The following PDZD2 variants were observed in gnomAD, a reference collection of about 807,000 sequenced individuals.
PDZD2 encodes the protein PDZ domain-containing protein 2.
In PDZD2, 90 loss-of-function variants were observed where a neutral mutation model predicts 220.7. The ratio of observed to expected loss-of-function variants is 0.41; its 90% CI spans 0.34 to 0.49. The LOEUF (loss-of-function observed/expected upper bound fraction) is 0.49. Ranked by LOEUF, PDZD2 falls within the 20% of genes least tolerant of loss-of-function variation. The pLI is 0.28. For missense variants in PDZD2, 3,174 were observed against 3,608.5 expected (o/e 0.88, Z 3.08); for synonymous variants, 1,375 against 1,450.5 (o/e 0.95, Z 1.18).
intron 2 of PDZD2, among the ~76,000 whole-genome samples, chr5:31,885,227 G>A (rs1266658439): frequency 4.2e-5 from 6 of 142,834 alleles, no homozygotes; most frequent in African/African-American, 1.4e-4. Context: ...GCCAATCAAA[G>A]CAGTGGGATT....
In PDZD2 at chr5:31,974,347, C is replaced by CA. The variant is rs1749564328; in HGVS notation, c.477-8802dup. 2.1e-5 allele frequency among the ~76,000 whole-genome samples: 3 copies of CA among 140,466 alleles called. No homozygotes were observed. In the South Asian group the frequency reaches 6.7e-4, roughly 31 times the overall value. The allele number at this position is 140,466 out of a possible 152,430, so 92.2% of individuals were successfully genotyped here. A position where few individuals can be genotyped will look rare whatever the true frequency, so the allele number is the denominator to read the frequency against. ...GGCGACAGAGTGAGATCTTGTCTCA[C>CA]AAAAAAGAAAAAAGAAAAAAAAAAT... On this transcript the variant is annotated intron_variant, in intron 2 of 24. Transcript: ENST00000438447.
chr5:31,998,105 G>C (rs1751788340), intron 4 of PDZD2, among the ~76,000 whole-genome samples: 1 of 152,088 alleles, frequency 6.6e-6, no homozygotes, highest in African/African-American at 2.4e-5. Context: ...CCTCCCAAGG[G>C]ATGGAGATGG....
At chr5:31,762,931 C>T (rs529160575) in intron 1 of PDZD2, among the ~76,000 whole-genome samples, 2 of 152,188 alleles carry the variant, frequency 1.3e-5, no homozygotes, top group African/African-American at 4.8e-5. Flanking sequence ...CCTTCTTCTG[C>T]CCCCGACCCC....
chr5:32,025,013 C>A (rs1191613201), intron 6 of PDZD2, among the ~76,000 whole-genome samples: 1 of 152,240 alleles, frequency 6.6e-6, no homozygotes, highest in Non-Finnish European at 1.5e-5. Flanking sequence ...AACAGCCTCT[C>A]TTTTTGCTCC....
At chr5:31,724,324 C>T (rs1291984948) in intron 1 of PDZD2, among the ~76,000 whole-genome samples, 4 of 152,012 alleles carry the variant, frequency 2.6e-5, no homozygotes, top group East Asian at 1.9e-4. Context: ...CCTAAAAGGC[C>T]GGGCGCAGTG....
At chr5:31,989,756 C>T (rs1581225048) in intron 3 of PDZD2, among the ~76,000 whole-genome samples, 1 of 152,108 alleles carries the variant, frequency 6.6e-6, no homozygotes, top group Admixed American at 6.6e-5. Context: ...ATCCAGTCAG[C>T]CATTGATAGA....
At chr5:32,034,709 A>C (rs1212544801) in intron 6 of PDZD2, among the ~76,000 whole-genome samples, 4 of 152,146 alleles carry the variant, frequency 2.6e-5, no homozygotes, top group Non-Finnish European at 4.4e-5. Context: ...GTCTGGAGAC[A>C]GTATGGAAAG....
In PDZD2 at chr5:31,827,362, T is replaced by A. The variant is rs183855807; in HGVS notation, c.476+27638T>A. 1.5e-3 allele frequency among the ~76,000 whole-genome samples: 227 copies of A among 152,292 alleles called. 1 individual carries two copies. The highest frequency in any genetic ancestry group is 5.5e-3 in the Admixed American group (84 of 15,292). The stretch of plus-strand genomic sequence containing the variant: ...GGCGTAATTGTGATTAATAACGATA[T>A]GAAGGAATTTTTAAAGTAAGCTTTC... On this transcript the variant is annotated intron_variant, in intron 2 of 24. Coordinates refer to ENST00000438447, the MANE Select transcript of PDZD2 (RefSeq NM_178140.4).
chr5:31,748,458 C>G (rs1195404406), intron 1 of PDZD2, among the ~76,000 whole-genome samples: 1 of 152,220 alleles, frequency 6.6e-6, no homozygotes, highest in Non-Finnish European at 1.5e-5. Flanking sequence ...ATCCCCCTTT[C>G]AAAACATAGC....
intron 1 of PDZD2, among the ~76,000 whole-genome samples, chr5:31,699,773 TTTTG>T (rs1747536385): frequency 1.4e-5 from 2 of 142,080 alleles, no homozygotes; most frequent in Non-Finnish European, 3.1e-5. Context: ...GGCTGTTTTT[TTTTG>T]TTTGTTTTTT....
chr5:31,695,004 A>G (rs1016432496), intron 1 of PDZD2, among the ~76,000 whole-genome samples: 2 of 151,922 alleles, frequency 1.3e-5, no homozygotes, highest in Non-Finnish European at 2.9e-5. Flanking sequence ...TGTGCCTATA[A>G]TCTCAGCTAC....
At chr5:31,704,550 G>T (rs1331855709) in intron 1 of PDZD2, among the ~76,000 whole-genome samples, 1 of 152,186 alleles carries the variant, frequency 6.6e-6, no homozygotes, top group Non-Finnish European at 1.5e-5. Flanking sequence ...CTTAACTAGT[G>T]CTCTTTTCAT....
chr5:32,104,493 G>T (rs1744548582), intron 24 of PDZD2, among the ~76,000 whole-genome samples: 1 of 151,560 alleles, frequency 6.6e-6, no homozygotes, highest in African/African-American at 2.4e-5. Context: ...GCAGCCCAAG[G>T]TGGGTGGACC....
intron 2 of PDZD2, among the ~76,000 whole-genome samples, chr5:31,924,321 G>A (rs1268056202): frequency 1.3e-5 from 2 of 152,228 alleles, no homozygotes; most frequent in Non-Finnish European, 2.9e-5. Flanking sequence ...TAGGTGGACT[G>A]TGCTAGAATG....
intron 2 of PDZD2, among the ~76,000 whole-genome samples, chr5:31,845,672 C>T (rs762680119): frequency 2.6e-5 from 4 of 152,242 alleles, no homozygotes; most frequent in Non-Finnish European, 4.4e-5. Context: ...CAGGTAGACT[C>T]TCAGATCCAG....
At chr5:31,689,361 T>A (rs1459508522) in intron 1 of PDZD2, among the ~76,000 whole-genome samples, 9 of 84,852 alleles carry the variant, frequency 1.1e-4, no homozygotes, top group African/African-American at 3.4e-4. Context: ...ATATTTTTTT[T>A]TTTTTTTTTT....
In PDZD2 at chr5:32,048,551, G is replaced by A. The variant is rs765303505; in HGVS notation, c.1532G>A (p.Arg511His). Reference protein sequence around the residue: ...LKSRLSGGVHRLESVEEYNEL... With the variant: ...LKSRLSGGVHHLESVEEYNEL... ...CTGTTTTCTCAAGGGGGTGTACACC[G>A]CCTTGAGTCAGTTGAAGAATATAAC... The change falls in exon 8 of 25, where the codon CGC becomes CAC. Residue 511 changes from arginine to histidine, a missense_variant. Physicochemically the swap from Arg to His is conservative, Grantham distance 29. Transcript: ENST00000438447. 13 of 1,613,092 alleles carry A rather than the reference G, an allele frequency of 8.1e-6. No individual in the cohort carries two copies. The highest frequency in any genetic ancestry group is 1.7e-4 in the Middle Eastern group (1 of 6,056).
At chr5:31,718,694 A>ATTTTTTTTT (rs34261021) in intron 1 of PDZD2, among the ~76,000 whole-genome samples, 1 of 74,648 alleles carries the variant, frequency 1.3e-5, no homozygotes, top group African/African-American at 5.4e-5. Flanking sequence ...TAACAGCCTC[A>ATTTTTTTTT]TTTTTTTTTT....
rs1354361144 is a variant in PDZD2 at position 32,059,272 on chromosome 5, G to A, written c.2234G>A (p.Cys745Tyr). ...PRVGLGIGAC[C>Y]LALENSPPGI... The stretch of plus-strand genomic sequence containing the variant: ...GTTGGATTAGGCATTGGTGCCTGCT[G>A]CTTGGCTCTGGAAAACAGTCCTCCT... The change falls in exon 13 of 25, where the codon TGC becomes TAC. Residue 745 changes from cysteine (C) to tyrosine (Y), a missense_variant. Cys to Tyr is a radical substitution (Grantham distance 194). Transcript: ENST00000438447. The A allele has an allele frequency of 1.2e-6, 2 of 1,613,252 alleles. No homozygotes were observed. The highest frequency in any genetic ancestry group is 1.7e-5 in the Admixed American group (1 of 60,020).
Sources: gnomAD v4.1 joint callset for allele counts (sites outside exome capture counted in the v4.1 genomes callset) on GRCh38, gnomAD v4.1.1 for gene constraint, MANE v1.5 for transcripts, NCBI Gene and HGNC (gene_info 2026-07-23, HGNC 2026-07-21) for gene names.